The following KIF6 variants were observed in gnomAD, a reference collection of about 807,000 sequenced individuals.
KIF6 encodes the protein kinesin-like protein KIF6.
Under a neutral mutation model 112.7 loss-of-function variants are expected in KIF6, and 106 were observed. That is an observed-to-expected ratio of 0.94 (90% CI 0.80 to 1.11). KIF6 has a LOEUF of 1.11. Ranked by LOEUF, KIF6 falls within the 50% of genes least tolerant of loss-of-function variation. The pLI, the probability that KIF6 is intolerant of heterozygous loss-of-function variation, is 0.00. For synonymous variants in KIF6, 339 were observed against 339.9 expected, an observed-to-expected ratio of 1.00 and a Z score of 0.03; for missense variants, 929 against 964.0, an observed-to-expected ratio of 0.96 and a Z score of 0.48.
At chr6:39,689,518 T>C (rs1788061542) in intron 3 of KIF6, among the ~76,000 whole-genome samples, 1 of 151,960 alleles carries the variant, frequency 6.6e-6, no homozygotes, top group South Asian at 2.1e-4. Context: ...ATAATAATAA[T>C]AATAATAAAT....
chr6:39,688,730 A>G (rs1444119567), intron 3 of KIF6, among the ~76,000 whole-genome samples: 2 of 152,226 alleles, frequency 1.3e-5, no homozygotes, highest in Admixed American at 6.5e-5. Flanking sequence ...GGCTTGTGCA[A>G]TAAAAACAAA....
At chr6:39,650,051 T>A (rs902075078) in intron 3 of KIF6, among the ~76,000 whole-genome samples, 1 of 152,174 alleles carries the variant, frequency 6.6e-6, no homozygotes, top group East Asian at 1.9e-4. Flanking sequence ...AGGGGCTAAG[T>A]AAGGGGATCT....
intron 13 of KIF6, among the ~76,000 whole-genome samples, chr6:39,535,752 G>A (rs1242436456): frequency 2.6e-5 from 4 of 152,244 alleles, no homozygotes; most frequent in African/African-American, 9.6e-5. Flanking sequence ...AAAATCAACA[G>A]AATATACATT....
At chr6:39,417,039 T>C (rs1001105260) in intron 15 of KIF6, among the ~76,000 whole-genome samples, 4 of 152,280 alleles carry the variant, frequency 2.6e-5, no homozygotes, top group South Asian at 2.1e-4. Flanking sequence ...AAGGACTCCT[T>C]GGGGACTGCA....
intron 13 of KIF6, among the ~76,000 whole-genome samples, chr6:39,463,132 C>T (rs1773577879): frequency 6.6e-6 from 1 of 152,148 alleles, no homozygotes; most frequent in South Asian, 2.1e-4. Flanking sequence ...ATACCTTATT[C>T]TTCCTAAGAC....
intron 13 of KIF6, among the ~76,000 whole-genome samples, chr6:39,439,774 C>G (rs1388655837): frequency 6.6e-6 from 1 of 152,056 alleles, no homozygotes; most frequent in Non-Finnish European, 1.5e-5. Flanking sequence ...GAAGCCCTCC[C>G]CATCCCCAAC....
chr6:39,449,936 C>A (rs1460299218), intron 13 of KIF6, among the ~76,000 whole-genome samples: 1 of 152,188 alleles, frequency 6.6e-6, no homozygotes, highest in African/African-American at 2.4e-5. Context: ...CTAACCTGTA[C>A]CCTGACTAAC....
chr6:39,362,558 G>A, intron 16 of KIF6, 40 bp from the exon 17 acceptor site: 1 of 1,412,612 alleles, frequency 7.1e-7, no homozygotes, highest in South Asian at 1.1e-5. Context: ...GAGAAAGAAG[G>A]GTAAAAGGAA....
At chr6:39,433,829 T>C (rs1029948261) in intron 13 of KIF6, among the ~76,000 whole-genome samples, 2 of 152,180 alleles carry the variant, frequency 1.3e-5, no homozygotes, top group African/African-American at 4.8e-5. Flanking sequence ...GCAGCTCCAG[T>C]GTGTGAGCCC....
At chr6:39,417,531 CA>C (rs1246745706) in intron 15 of KIF6, among the ~76,000 whole-genome samples, 1 of 152,174 alleles carries the variant, frequency 6.6e-6, no homozygotes, top group Non-Finnish European at 1.5e-5. Context: ...GCCCTTTGAA[CA>C]TGAATTATAA....
chr6:39,688,501 T>C (rs549566574), intron 3 of KIF6, among the ~76,000 whole-genome samples: 2 of 151,886 alleles, frequency 1.3e-5, no homozygotes, highest in South Asian at 4.2e-4. Flanking sequence ...TTCACATGAA[T>C]AGAACCCTAT....
chr6:39,415,801 C>T (rs1769875418), intron 15 of KIF6, among the ~76,000 whole-genome samples: 1 of 152,068 alleles, frequency 6.6e-6, no homozygotes, highest in African/African-American at 2.4e-5. Flanking sequence ...TTTCCCAAAT[C>T]CCAGATGTAC....
chr6:39,510,181 C>T (rs1057300212), intron 13 of KIF6, among the ~76,000 whole-genome samples: 1 of 151,574 alleles, frequency 6.6e-6, no homozygotes, highest in African/African-American at 2.4e-5. Flanking sequence ...GCAAGCTCCG[C>T]CTTCCGGGTT....
At chr6:39,512,514 T>A (rs1001049693) in intron 13 of KIF6, among the ~76,000 whole-genome samples, 20 of 152,234 alleles carry the variant, frequency 1.3e-4, no homozygotes, top group Admixed American at 7.9e-4. Context: ...CTGAGGCTAG[T>A]CTTGCTCCTC....
intron 21 of KIF6, among the ~76,000 whole-genome samples, chr6:39,344,716 G>C (rs957262745): frequency 6.6e-5 from 10 of 152,138 alleles, no homozygotes; most frequent in African/African-American, 2.4e-4. Flanking sequence ...TCTGTGCCCA[G>C]CTTAGATGTC....
intron 13 of KIF6, among the ~76,000 whole-genome samples, chr6:39,478,630 G>T (rs1182328967): frequency 6.6e-6 from 1 of 151,322 alleles, no homozygotes; most frequent in Non-Finnish European, 1.5e-5. Context: ...TTCCATGGTG[G>T]TTGTTCTAGT....
intron 16 of KIF6, among the ~76,000 whole-genome samples, chr6:39,362,863 T>C (rs1581678058): frequency 6.6e-6 from 1 of 152,284 alleles, no homozygotes; most frequent in East Asian, 1.9e-4. Context: ...AAAGAGCCCT[T>C]CAGGGCCAGG....
chr6:39,423,344 G>A (rs892109266), intron 14 of KIF6, among the ~76,000 whole-genome samples: 5 of 152,094 alleles, frequency 3.3e-5, no homozygotes, highest in African/African-American at 9.7e-5. Flanking sequence ...CAAGGGCCCC[G>A]GCTCTTCTGT....
At chr6:39,489,613 T>C (rs928628009) in intron 13 of KIF6, among the ~76,000 whole-genome samples, 1 of 152,244 alleles carries the variant, frequency 6.6e-6, no homozygotes, top group South Asian at 2.1e-4. Context: ...TGCCTCCAAG[T>C]AGCAACAGTC....
Sources: allele counts gnomAD v4.1 joint callset (sites outside exome capture counted in the v4.1 genomes callset), GRCh38; gene constraint gnomAD v4.1.1; transcripts MANE v1.5; gene names NCBI Gene and HGNC (gene_info 2026-07-23, HGNC 2026-07-21).